The following IMMP2L variants were observed in gnomAD, a reference collection of about 807,000 sequenced individuals.
The protein encoded by IMMP2L is mitochondrial inner membrane protease subunit 2.
A neutral mutation model predicts 19.3 loss-of-function variants in IMMP2L; 18 were observed. That is an observed-to-expected ratio of 0.93 (90% CI 0.64 to 1.38). The LOEUF (loss-of-function observed/expected upper bound fraction) is 1.38. Ranked by LOEUF, IMMP2L falls within the 40% of genes most tolerant of loss-of-function variation. The pLI is 0.00. For synonymous variants in IMMP2L, 76 were observed against 73.0 expected (o/e 1.04, Z -0.21); for missense variants, 233 against 218.2 (o/e 1.07, Z -0.43).
At chr7:111,290,870 C>A (rs945409077) in intron 3 of IMMP2L, among the ~76,000 whole-genome samples, 6 of 146,200 alleles carry the variant, frequency 4.1e-5, no homozygotes, top group Admixed American at 6.8e-5. Flanking sequence ...ATATATATAT[C>A]TAATTTTCTA....
intron 5 of IMMP2L, among the ~76,000 whole-genome samples, chr7:110,852,274 A>T (rs1424206721): frequency 6.6e-6 from 1 of 152,034 alleles, no homozygotes; most frequent in Non-Finnish European, 1.5e-5. Flanking sequence ...AAACATCCAT[A>T]TTAAAATTAT....
At chr7:111,154,240 G>A (rs927230474) in intron 3 of IMMP2L, among the ~76,000 whole-genome samples, 1 of 152,012 alleles carries the variant, frequency 6.6e-6, no homozygotes, top group African/African-American at 2.4e-5. Context: ...ACCTTTAATA[G>A]ATATTTCTAA....
chr7:111,197,335 C>T (rs1586785932), intron 3 of IMMP2L, among the ~76,000 whole-genome samples: 3 of 151,924 alleles, frequency 2.0e-5, no homozygotes, highest in Admixed American at 6.6e-5. Flanking sequence ...TGGTGGCGGG[C>T]GCCTGTAGTC....
intron 5 of IMMP2L, among the ~76,000 whole-genome samples, chr7:110,744,883 A>G (rs1797230201): frequency 6.6e-6 from 1 of 152,166 alleles, no homozygotes; most frequent in African/African-American, 2.4e-5. Flanking sequence ...AGGGAACAAA[A>G]CTGGATAGAG....
chr7:111,304,335 C>T (rs1231541750), intron 3 of IMMP2L, among the ~76,000 whole-genome samples: 1 of 151,798 alleles, frequency 6.6e-6, no homozygotes, highest in Non-Finnish European at 1.5e-5. Context: ...AGAGGTTTTT[C>T]CTATCTCTCA....
At chr7:111,479,930 T>C (rs917683285) in intron 3 of IMMP2L, among the ~76,000 whole-genome samples, 5 of 152,156 alleles carry the variant, frequency 3.3e-5, no homozygotes, top group Non-Finnish European at 7.4e-5. Context: ...ATCTCGGTAA[T>C]TCAAAATTGA....
intron 3 of IMMP2L, among the ~76,000 whole-genome samples, chr7:111,436,262 A>G (rs2131734704): frequency 6.6e-6 from 1 of 151,878 alleles, no homozygotes; most frequent in East Asian, 1.9e-4. Flanking sequence ...TTGGCCCTCT[A>G]TTTAAAATCC....
intron 3 of IMMP2L, among the ~76,000 whole-genome samples, chr7:111,337,580 C>T (rs1187900702): frequency 1.3e-5 from 2 of 151,816 alleles, no homozygotes; most frequent in Admixed American, 6.6e-5. Context: ...AACCATTCAG[C>T]AAGATGAGCC....
chr7:111,383,755 A>C (rs1337496372), intron 3 of IMMP2L, among the ~76,000 whole-genome samples: 1 of 152,062 alleles, frequency 6.6e-6, no homozygotes, highest in African/African-American at 2.4e-5. Context: ...ATGTGCACTA[A>C]GTTTTTCTGC....
intron 3 of IMMP2L, among the ~76,000 whole-genome samples, chr7:111,395,340 T>C (rs1210817892): frequency 1.3e-5 from 2 of 152,232 alleles, no homozygotes; most frequent in East Asian, 1.9e-4. Context: ...CTAAAATGTA[T>C]TTCTACCATA....
intron 5 of IMMP2L, among the ~76,000 whole-genome samples, chr7:110,804,225 T>G (rs1395096757): frequency 6.6e-6 from 1 of 152,056 alleles, no homozygotes; most frequent in Non-Finnish European, 1.5e-5. Flanking sequence ...TAGTATTTAT[T>G]TAAATGCTAG....
intron 3 of IMMP2L, among the ~76,000 whole-genome samples, chr7:111,459,246 T>C (rs1839936889): frequency 6.6e-6 from 1 of 152,110 alleles, no homozygotes; most frequent in South Asian, 2.1e-4. Flanking sequence ...TAATATCTCC[T>C]TAGTGTAGCA....
At chr7:111,200,528 G>A (rs375337896) in intron 3 of IMMP2L, among the ~76,000 whole-genome samples, 2 of 151,840 alleles carry the variant, frequency 1.3e-5, no homozygotes, top group South Asian at 2.1e-4. Flanking sequence ...TATATACTGG[G>A]TTCTATTTTG....
intron 3 of IMMP2L, among the ~76,000 whole-genome samples, chr7:111,127,170 G>C (rs1488341844): frequency 6.6e-6 from 1 of 152,158 alleles, no homozygotes; most frequent in Non-Finnish European, 1.5e-5. Flanking sequence ...AGAGGCTGAC[G>C]TTAGAATTTA....
chr7:111,421,458 G>C (rs1835540378), intron 3 of IMMP2L, among the ~76,000 whole-genome samples: 1 of 150,604 alleles, frequency 6.6e-6, no homozygotes. Flanking sequence ...ATTTTTAGTA[G>C]AGACGGGGTT....
At chr7:111,398,882 CA>C (rs756718840) in intron 3 of IMMP2L, among the ~76,000 whole-genome samples, 3,834 of 104,604 alleles carry the variant, frequency 0.037, 101 homozygotes, top group African/African-American at 0.092. Flanking sequence ...ACAATAGCTG[CA>C]AAAAAAAAAA....
At chr7:110,787,688 ACAAT>A (rs1277397292) in intron 5 of IMMP2L, among the ~76,000 whole-genome samples, 1 of 151,960 alleles carries the variant, frequency 6.6e-6, no homozygotes, top group African/African-American at 2.4e-5. Context: ...AATTCATTCC[ACAAT>A]CATTCATTCA....
intron 4 of IMMP2L, chr7:110,962,838 T>G (rs1819109530): frequency 8.1e-7 from 1 of 1,239,870 alleles, no homozygotes; most frequent in Non-Finnish European, 1.0e-6. Context: ...TCAAAGCATT[T>G]TGGCTACCAC....
At chr7:111,189,769 T>C (rs1808667982) in intron 3 of IMMP2L, among the ~76,000 whole-genome samples, 2 of 152,074 alleles carry the variant, frequency 1.3e-5, no homozygotes. Flanking sequence ...TTTCTCTACC[T>C]CCAACCCACC....
Sources: gnomAD v4.1 joint callset for allele counts (sites outside exome capture counted in the v4.1 genomes callset) on GRCh38, gnomAD v4.1.1 for gene constraint, MANE v1.5 for transcripts, NCBI Gene and HGNC (gene_info 2026-07-23, HGNC 2026-07-21) for gene names.